The following NIPA2 variants were observed in gnomAD, a reference collection of about 807,000 sequenced individuals.
NIPA2 encodes magnesium transporter NIPA2.
NIPA2 carries 11 observed loss-of-function variants against 29.7 expected under a neutral mutation model. That is an observed-to-expected ratio of 0.37 (90% CI 0.23 to 0.61). The LOEUF is 0.61. NIPA2 is among the 20% of genes least tolerant of loss of function. The pLI is 0.66. For synonymous variants in NIPA2, 183 were observed against 161.9 expected, an observed-to-expected ratio of 1.13 and a Z score of -0.99; for missense variants, 426 against 437.9, an observed-to-expected ratio of 0.97 and a Z score of 0.24.
At chr15:22,861,946 C>T (rs1221815026) in intron 7 of NIPA2, among the ~76,000 whole-genome samples, 2 of 151,594 alleles carry the variant, frequency 1.3e-5, no homozygotes, top group African/African-American at 4.9e-5. Context: ...CCATGTTGGC[C>T]AGGTTGGTGT....
chr15:22,851,007 C>CAGGAAAAAACAAT (rs2057693715), intron 3 of NIPA2, among the ~76,000 whole-genome samples: 1 of 152,110 alleles, frequency 6.6e-6, no homozygotes, highest in South Asian at 2.1e-4. Context: ...TAAGCCTCTG[C>CAGGAAAAAACAAT]TTCCTGTCTG....
In NIPA2 at chr15:22,867,077, G is replaced by C. The variant is rs1485495708; in HGVS notation, c.*230G>C. 2.0e-6 allele frequency: 1 copy of C among 504,410 alleles called. No homozygotes were observed. The highest frequency in any genetic ancestry group is 3.4e-6 in the Non-Finnish European group (1 of 290,276). 31.2% of individuals were successfully genotyped at this position (504,410 alleles called of 1,614,324 possible). Reference sequence around the variant, plus strand: ...TTTCTATTAACATTTTATTGTTGTAGAAGTATTTTACATTTTCATCCCTTC... The same window carrying C: ...TTTCTATTAACATTTTATTGTTGTACAAGTATTTTACATTTTCATCCCTTC... On this transcript the variant is annotated 3_prime_UTR_variant, in exon 8 of 8. Coordinates refer to ENST00000337451, the MANE Select transcript of NIPA2 (RefSeq NM_030922.7).
intron 1 of NIPA2, chr15:22,839,135 C>T (rs149022977): frequency 6.6e-6 from 1 of 152,208 alleles, no homozygotes; most frequent in East Asian, 1.9e-4. Flanking sequence ...GTCGGGGACG[C>T]ATGTTCATTA....
chr15:22,859,978 A>T (rs1013271661), intron 6 of NIPA2, among the ~76,000 whole-genome samples: 1 of 152,092 alleles, frequency 6.6e-6, no homozygotes, highest in Non-Finnish European at 1.5e-5. Flanking sequence ...ATCAACCAAT[A>T]GGAATAAGTT....
intron 5 of NIPA2, among the ~76,000 whole-genome samples, chr15:22,856,148 A>G (rs918959041): frequency 3.9e-5 from 6 of 152,178 alleles, no homozygotes; most frequent in African/African-American, 1.4e-4. Context: ...CCTACTTGCC[A>G]GTCCTGTGAG....
rs368494104 is a variant in NIPA2, at chr15:22,842,905, A to T, written c.-215-2241A>T. ...GTAGTCCCAGCTACTCGGGAGGCAG[A>T]GGCAGGAGAATGGCATGAACCCAGG... On this transcript the variant is annotated intron_variant, in intron 2 of 7. Transcript: ENST00000337451. 1.3e-4 allele frequency among the ~76,000 whole-genome samples: 19 copies of T among 151,948 alleles called. No homozygotes were observed. In the South Asian group the frequency reaches 3.7e-3, roughly 30 times the overall value.
At chr15:22,865,164 GTTCTTA>G (rs1204584465) in intron 7 of NIPA2, among the ~76,000 whole-genome samples, 2 of 150,840 alleles carry the variant, frequency 1.3e-5, no homozygotes, top group African/African-American at 4.9e-5. Context: ...CTGGCTTCTT[GTTCTTA>G]ATTTTGTGTA....
rs138569107 is a variant in NIPA2 at position 22,853,232 on chromosome 15, C to G, written c.160C>G (p.Leu54Val). Residue 54 changes from leucine (L) to valine (V), a missense_variant, in exon 5 of 8, where the codon CTT becomes GTT. Around this residue, in one of 3 missense-constraint regions of NIPA2, gnomAD observed 57 missense variants for 66.6 expected, o/e 0.86. Coordinates refer to ENST00000337451, the MANE Select transcript of NIPA2 (RefSeq NM_030922.7). ...MRAGQGGHAY[L>V]KEWLWWAGLL... ...CACAGGTCAAGGTGGCCATGCATAT[C>G]TTAAGGAATGGTTGTGGTGGGCTGG... is the stretch of plus-strand genomic sequence containing the variant. 4 of 1,611,014 alleles carry G rather than the reference C, an allele frequency of 2.5e-6. No individual in the cohort carries two copies. In the Admixed American group the frequency reaches 5.0e-5, roughly 20 times the overall value.
chr15:22,866,365 A>G lies in NIPA2; in HGVS notation c.601A>G (p.Ile201Val). ...AGTCTCCTGTGTGAAGGGCCTGGGC[A>G]TTGCTATCAAGGAGCTGTTTGCAGG... ...FSVSCVKGLG[I>V]AIKELFAGKP... Residue 201 changes from isoleucine (I) to valine (V), a missense_variant, in exon 8 of 8, where the codon ATT becomes GTT. Physicochemically the swap from Ile to Val is conservative, Grantham distance 29 (BLOSUM62 3). Around this residue, in one of 3 missense-constraint regions of NIPA2, gnomAD observed 357 missense variants for 339.8 expected, o/e 1.05. Coordinates refer to ENST00000337451, the MANE Select transcript of NIPA2 (RefSeq NM_030922.7). The G allele has an allele frequency of 1.9e-6, 3 of 1,614,056 alleles. No individual in the cohort carries two copies. The highest frequency in any genetic ancestry group is 2.5e-6 in the Non-Finnish European group (3 of 1,179,972).
rs545713234 is a variant in NIPA2 at position 22,866,490 on chromosome 15, A to G, written c.726A>G (p.Ile242Met). ...QINYLNRALD[I>M]FNTSIVTPIY... ...ATTACCTAAATAGGGCCCTGGATAT[A>G]TTCAACACTTCCATTGTGACTCCAA... The change falls in exon 8 of 8, where the codon ATA (isoleucine) becomes ATG (methionine). Residue 242 changes from isoleucine to methionine, a missense_variant. By Grantham distance (10) the Ile-to-Met change is conservative. This residue lies in a region of NIPA2 where 357 missense variants were observed against 339.8 expected (regional missense o/e 1.05). Coordinates refer to ENST00000337451, the MANE Select transcript of NIPA2 (RefSeq NM_030922.7). 14 of 1,613,856 alleles carry G rather than the reference A, an allele frequency of 8.7e-6. No homozygotes were observed. Among genetic ancestry groups the G allele is most frequent in the Non-Finnish European group, 1.0e-5 (12 of 1,179,884 alleles).
Position 22,839,706 on chromosome 15 carries a change from T to C in NIPA2, c.-300T>C, listed in dbSNP as rs1421265482. The C allele has an allele frequency of 1.3e-5, 2 of 152,306 alleles. No individual in the cohort carries two copies. Among genetic ancestry groups the C allele is most frequent in the Non-Finnish European group, 2.9e-5 (2 of 68,040 alleles). 9.4% of individuals were successfully genotyped at this position (152,306 alleles called of 1,614,324 possible). On this transcript the variant is annotated 5_prime_UTR_variant, in exon 2 of 8. Coordinates refer to ENST00000337451, the MANE Select transcript of NIPA2 (RefSeq NM_030922.7). Reference sequence around the variant, plus strand: ...GACTTTAAATGAGAATAAAGGGTGGTATTTACGAGGAAATGAGAGTGAATA... The same window carrying C: ...GACTTTAAATGAGAATAAAGGGTGGCATTTACGAGGAAATGAGAGTGAATA...
intron 5 of NIPA2, among the ~76,000 whole-genome samples, chr15:22,857,352 G>A (rs905630182): frequency 5.9e-5 from 9 of 151,412 alleles, no homozygotes; most frequent in South Asian, 2.1e-4. Context: ...CAGGAGAATC[G>A]CTTTAACTTG....
Position 22,849,033 on chromosome 15 carries a change from G to C in NIPA2, c.-93-2606G>C, listed in dbSNP as rs1001534169. On this transcript the variant is annotated intron_variant, in intron 3 of 7. Coordinates refer to ENST00000337451, the MANE Select transcript of NIPA2 (RefSeq NM_030922.7). ...CAACAAGCCATGCAGGATGCAGTGG[G>C]AACAGTGTAAGCACACCTGCTTTTT... 6.6e-5 allele frequency among the ~76,000 whole-genome samples: 10 copies of C among 152,086 alleles called. 1 individual carries two copies. The highest frequency in any genetic ancestry group is 1.3e-4 in the Non-Finnish European group (9 of 68,008).
intron 3 of NIPA2, among the ~76,000 whole-genome samples, chr15:22,850,795 T>G (rs2057676350): frequency 6.6e-6 from 1 of 152,182 alleles, no homozygotes; most frequent in Non-Finnish European, 1.5e-5. Context: ...CCTGACTGAA[T>G]TGCAGATTAG....
chr15:22,866,263 T>C lies in NIPA2; in HGVS notation c.499T>C (p.Phe167Leu), dbSNP rs1038563437. Residue 167 changes from phenylalanine (F) to leucine (L), a missense_variant, in exon 8 of 8, where the codon TTC becomes CTC. Physicochemically the swap from Phe to Leu is conservative, Grantham distance 22. Coordinates refer to ENST00000337451, the MANE Select transcript of NIPA2 (RefSeq NM_030922.7). Reference protein sequence around the residue: ...LVVIVALILIFVVGPRHGQTN... With the variant: ...LVVIVALILILVVGPRHGQTN... The stretch of plus-strand genomic sequence containing the variant: ...GGTCATTGTGGCCTTGATATTAATC[T>C]TCGTGGTGGGTCCTCGCCATGGACA... 9.9e-6 allele frequency: 16 copies of C among 1,613,914 alleles called. No individual in the cohort carries two copies. The highest frequency in any genetic ancestry group is 1.2e-5 in the Non-Finnish European group (14 of 1,179,882).
Position 22,866,855 on chromosome 15 carries a change from G to T in NIPA2, c.*8G>T. The T allele has an allele frequency of 6.5e-7, 1 of 1,537,540 alleles. No homozygotes were observed. Among genetic ancestry groups the T allele is most frequent in the Non-Finnish European group, 8.8e-7 (1 of 1,131,304 alleles). Reference sequence around the variant, plus strand: ...AATCTGACAGCTTTTTAAGAAAGGTGTAATTAAAGGTTAATCTGTGATTGT... The same window carrying T: ...AATCTGACAGCTTTTTAAGAAAGGTTTAATTAAAGGTTAATCTGTGATTGT... On this transcript the variant is annotated 3_prime_UTR_variant, in exon 8 of 8. Transcript: ENST00000337451.
intron 4 of NIPA2, 94 bp downstream of exon 4, chr15:22,851,964 T>C: frequency 1.9e-6 from 2 of 1,054,136 alleles, no homozygotes; most frequent in East Asian, 2.4e-5. Context: ...TCCTCGTGAG[T>C]GTATTTGAAA....
chr15:22,864,053 A>G (rs2058798246), intron 7 of NIPA2, among the ~76,000 whole-genome samples: 1 of 151,486 alleles, frequency 6.6e-6, no homozygotes, highest in South Asian at 2.1e-4. Context: ...TTGTTTTTTG[A>G]GGGACAGTTG....
At chr15:22,845,673 C>G (rs969464698) in intron 3 of NIPA2, among the ~76,000 whole-genome samples, 2 of 151,954 alleles carry the variant, frequency 1.3e-5, no homozygotes, top group Non-Finnish European at 2.9e-5. Flanking sequence ...GGAGAGCAGG[C>G]TTTGGGTTGC....
Sources: allele counts gnomAD v4.1 joint callset (sites outside exome capture counted in the v4.1 genomes callset), GRCh38; gene constraint gnomAD v4.1.1; regional missense constraint gnomAD v4.1.1; transcripts MANE v1.5; gene names NCBI Gene and HGNC (gene_info 2026-07-23, HGNC 2026-07-21).